PDGFC: variants seen among roughly 807,000 people sequenced by gnomAD.
PDGFC encodes the protein platelet derived growth factor C, also known as platelet-derived growth factor C.
In PDGFC, 12 loss-of-function variants were observed where a neutral mutation model predicts 35.5. That is an observed-to-expected ratio of 0.34 (90% CI 0.22 to 0.55). The LOEUF is 0.55. Among genes scored for constraint, PDGFC ranks in the 20% least tolerant of loss-of-function variants. PDGFC has a pLI of 0.91. For synonymous variants in PDGFC, 159 were observed against 148.8 expected (o/e 1.07, Z -0.50); for missense variants, 322 against 412.4 (o/e 0.78, Z 1.90).
intron 1 of PDGFC, among the ~76,000 whole-genome samples, chr4:156,870,345 T>C (rs1232339042): frequency 3.3e-5 from 5 of 152,074 alleles, no homozygotes; most frequent in Non-Finnish European, 5.9e-5. Flanking sequence ...CATCAGAAAA[T>C]AAATCTTAAA....
At chr4:156,966,983 C>T (rs1179329325) in intron 1 of PDGFC, among the ~76,000 whole-genome samples, 1 of 151,590 alleles carries the variant, frequency 6.6e-6, no homozygotes, top group Non-Finnish European at 1.5e-5. Flanking sequence ...TGTTCAACTT[C>T]CTCAACTATT....
At chr4:156,795,320 G>A (rs1055551719) in intron 3 of PDGFC, among the ~76,000 whole-genome samples, 9 of 152,134 alleles carry the variant, frequency 5.9e-5, no homozygotes, top group African/African-American at 2.2e-4. Flanking sequence ...AGGAAGGAAA[G>A]CCTCATAAAA....
At chr4:156,854,028 T>A (rs958457167) in intron 1 of PDGFC, among the ~76,000 whole-genome samples, 14 of 152,186 alleles carry the variant, frequency 9.2e-5, no homozygotes, top group Admixed American at 9.2e-4. Context: ...GTAAATTCAT[T>A]AACTATTTTC....
At chr4:156,813,071 G>C (rs1731983820) in intron 2 of PDGFC, among the ~76,000 whole-genome samples, 1 of 152,114 alleles carries the variant, frequency 6.6e-6, no homozygotes, top group Non-Finnish European at 1.5e-5. Flanking sequence ...GGGTTAGGCA[G>C]TGTATGTGTG....
At chr4:156,918,601 C>T (rs993001552) in intron 1 of PDGFC, among the ~76,000 whole-genome samples, 5 of 152,176 alleles carry the variant, frequency 3.3e-5, no homozygotes, top group African/African-American at 1.2e-4. Flanking sequence ...CTCACAGGAA[C>T]ACGGACCCTA....
intron 1 of PDGFC, among the ~76,000 whole-genome samples, chr4:156,959,243 C>A (rs1043696510): frequency 2.6e-5 from 4 of 151,954 alleles, no homozygotes; most frequent in African/African-American, 9.7e-5. Flanking sequence ...TGGATTTCCA[C>A]GCACTAAACG....
At chr4:156,841,415 T>A (rs1729201694) in intron 2 of PDGFC, 1 of 156,218 alleles carries the variant, frequency 6.4e-6, no homozygotes, top group African/African-American at 2.4e-5. Flanking sequence ...CCTTCCACCA[T>A]GATTGTAAGT....
At chr4:156,821,216 T>C (rs1732248743) in intron 2 of PDGFC, among the ~76,000 whole-genome samples, 1 of 151,566 alleles carries the variant, frequency 6.6e-6, no homozygotes, top group Non-Finnish European at 1.5e-5. Context: ...TGTGTGAATG[T>C]GTGTGAGAGA....
At chr4:156,874,822 T>C (rs898780375) in intron 1 of PDGFC, among the ~76,000 whole-genome samples, 2 of 151,860 alleles carry the variant, frequency 1.3e-5, no homozygotes, top group Admixed American at 6.6e-5. Flanking sequence ...GCTCACACCA[T>C]CCTCCCACCT....
intron 2 of PDGFC, among the ~76,000 whole-genome samples, chr4:156,826,494 G>A (rs1279602369): frequency 6.6e-6 from 1 of 151,990 alleles, no homozygotes; most frequent in Non-Finnish European, 1.5e-5. Flanking sequence ...GAGCCACCAT[G>A]CCATTGTAAT....
intron 2 of PDGFC, among the ~76,000 whole-genome samples, chr4:156,830,607 C>T (rs1266448326): frequency 1.3e-5 from 2 of 152,136 alleles, no homozygotes; most frequent in Non-Finnish European, 2.9e-5. Flanking sequence ...GCAACTCCAG[C>T]AATAATAGTC....
intron 1 of PDGFC, among the ~76,000 whole-genome samples, chr4:156,853,825 T>C (rs1180473145): frequency 6.6e-6 from 1 of 152,026 alleles, no homozygotes; most frequent in Non-Finnish European, 1.5e-5. Flanking sequence ...TAGCTGGACA[T>C]GGTGGCATGT....
rs573284055 is a variant in PDGFC, at chr4:156,777,966, A to T, written c.496-5073T>A. On this transcript the variant is annotated intron_variant, in intron 3 of 5. Transcript: ENST00000502773. ...TAAAAATACAAAAAATTAGCCAGGC[A>T]TGTTGGCCACGCTTATAATCCCAGC... 2.6e-5 allele frequency among the ~76,000 whole-genome samples: 4 copies of T among 151,866 alleles called. No individual in the cohort carries two copies. The East Asian group carries it at 7.8e-4, about 29-fold the overall frequency.
intron 1 of PDGFC, among the ~76,000 whole-genome samples, chr4:156,908,384 T>C (rs1285695585): frequency 6.6e-6 from 1 of 152,142 alleles, no homozygotes; most frequent in East Asian, 1.9e-4. Flanking sequence ...TTTATGCTCA[T>C]TTGTGTAAAT....
At chr4:156,825,590 TAATAAGAAGAAG>T (rs1394740761) in intron 2 of PDGFC, among the ~76,000 whole-genome samples, 888 of 78,258 alleles carry the variant, frequency 0.011, 6 homozygotes, top group African/African-American at 0.017. Context: ...ATAATAATAA[TAATAAGAAGAAG>T]AAGAAGAAGA....
chr4:156,875,228 G>A (rs1347486606), intron 1 of PDGFC, among the ~76,000 whole-genome samples: 1 of 152,116 alleles, frequency 6.6e-6, no homozygotes, highest in Non-Finnish European at 1.5e-5. Context: ...GTGTATTCAG[G>A]GATGATCCTG....
chr4:156,866,891 G>C (rs1258601729), intron 1 of PDGFC, among the ~76,000 whole-genome samples: 1 of 152,132 alleles, frequency 6.6e-6, no homozygotes, highest in East Asian at 1.9e-4. Flanking sequence ...TACAGTGAAT[G>C]CATCTCTAAT....
intron 3 of PDGFC, among the ~76,000 whole-genome samples, chr4:156,794,444 C>T (rs956318770): frequency 2.0e-5 from 3 of 150,294 alleles, no homozygotes; most frequent in Non-Finnish European, 4.4e-5. Context: ...GTAACACAAA[C>T]CAAGAAGTAG....
intron 2 of PDGFC, among the ~76,000 whole-genome samples, chr4:156,831,851 T>C (rs1326669448): frequency 6.6e-6 from 1 of 152,168 alleles, no homozygotes; most frequent in East Asian, 1.9e-4. Context: ...AACCTTATTA[T>C]AATATCAATC....
Sources: allele counts gnomAD v4.1 joint callset (sites outside exome capture counted in the v4.1 genomes callset), GRCh38; gene constraint gnomAD v4.1.1; transcripts MANE v1.5; gene names NCBI Gene and HGNC (gene_info 2026-07-23, HGNC 2026-07-21).